NXPE2: variants seen among roughly 807,000 people sequenced by gnomAD.
NXPE2 encodes neurexophilin and PC-esterase domain family member 2, also known as NXPE family member 2.
A neutral mutation model predicts 34.4 loss-of-function variants in NXPE2; 34 were observed. The observed-to-expected ratio is 0.99, with a 90% confidence interval of 0.75 to 1.31. The LOEUF (loss-of-function observed/expected upper bound fraction) is 1.31, where lower values mean the gene tolerates loss of function less well. NXPE2 is among the 40% of genes most tolerant of loss of function. The pLI is 0.00. For missense variants in NXPE2, 649 were observed against 672.5 expected, an observed-to-expected ratio of 0.97 and a Z score of 0.39; for synonymous variants, 235 against 231.3, an observed-to-expected ratio of 1.02 and a Z score of -0.15.
the NXPE2 span, among the ~76,000 whole-genome samples, chr11:114,549,952 G>A: frequency 6.6e-6 from 1 of 151,968 alleles, no homozygotes; most frequent in African/African-American, 2.4e-5. Context: ...TAAAATGGAA[G>A]TGACAATCCA....
the NXPE2 span, among the ~76,000 whole-genome samples, chr11:114,727,206 A>G: frequency 6.6e-6 from 1 of 152,048 alleles, no homozygotes; most frequent in Non-Finnish European, 1.5e-5. Flanking sequence ...TAAACAACAG[A>G]AATTTATCTG....
the NXPE2 span, among the ~76,000 whole-genome samples, chr11:114,623,156 G>A: frequency 6.6e-6 from 1 of 151,496 alleles, no homozygotes; most frequent in South Asian, 2.1e-4. Context: ...TGGGTAACCA[G>A]TGTTAACCGG....
At chr11:114,626,026 C>T in the NXPE2 span, among the ~76,000 whole-genome samples, 123 of 152,344 alleles carry the variant, frequency 8.1e-4, no homozygotes, top group African/African-American at 2.7e-3. Context: ...AAGGGTCCTA[C>T]GCCCACGGAG....
the NXPE2 span, among the ~76,000 whole-genome samples, chr11:114,801,127 C>A: frequency 6.6e-6 from 1 of 152,102 alleles, no homozygotes; most frequent in East Asian, 1.9e-4. Flanking sequence ...AGTGAAAACA[C>A]AAAGTCCCTT....
chr11:114,661,959 G>T, the NXPE2 span, among the ~76,000 whole-genome samples: 25,094 of 152,102 alleles, frequency 0.16, 2,539 homozygotes, highest in East Asian at 0.38. Flanking sequence ...CTGGTAAAAG[G>T]ACCTGTAGGA....
the NXPE2 span, among the ~76,000 whole-genome samples, chr11:114,745,207 G>C: frequency 2.0e-5 from 3 of 152,158 alleles, no homozygotes; most frequent in African/African-American, 7.2e-5. Flanking sequence ...AATTTATAAA[G>C]AAATGAGGTT....
chr11:114,560,284 T>TG, the NXPE2 span, among the ~76,000 whole-genome samples: 1 of 151,376 alleles, frequency 6.6e-6, no homozygotes, highest in African/African-American at 2.4e-5. Context: ...TTTTTTTTTT[T>TG]TTTTTGGACA....
the NXPE2 span, among the ~76,000 whole-genome samples, chr11:114,660,284 C>A: frequency 6.6e-6 from 1 of 151,866 alleles, no homozygotes; most frequent in Non-Finnish European, 1.5e-5. Context: ...AAGCACTTTG[C>A]AATTCATTTT....
chr11:114,704,659 C>T (rs1951438675), intron 4 of NXPE2, among the ~76,000 whole-genome samples: 1 of 152,156 alleles, frequency 6.6e-6, no homozygotes, highest in African/African-American at 2.4e-5. Context: ...ACTCATCACC[C>T]CTTTTTCATG....
chr11:114,510,855 A>C, the NXPE2 span, among the ~76,000 whole-genome samples: 1 of 152,206 alleles, frequency 6.6e-6, no homozygotes, highest in Non-Finnish European at 1.5e-5. Flanking sequence ...ATTTTAGTAA[A>C]ACAAAAAATT....
At chr11:114,640,570 C>T in the NXPE2 span, among the ~76,000 whole-genome samples, 1 of 151,864 alleles carries the variant, frequency 6.6e-6, no homozygotes, top group East Asian at 1.9e-4. Context: ...TACACTCCCA[C>T]CCACAATGCA....
chr11:114,572,429 A>G, the NXPE2 span, among the ~76,000 whole-genome samples: 1 of 152,340 alleles, frequency 6.6e-6, no homozygotes, highest in South Asian at 2.1e-4. Context: ...TCAAGGAGGC[A>G]CCAGAGAAAG....
chr11:114,588,938 A>C, the NXPE2 span, among the ~76,000 whole-genome samples: 1 of 152,112 alleles, frequency 6.6e-6, no homozygotes, highest in Non-Finnish European at 1.5e-5. Context: ...ATTTTGGAGA[A>C]CCTCCTGAGG....
chr11:114,650,508 C>T, the NXPE2 span, among the ~76,000 whole-genome samples: 1 of 152,112 alleles, frequency 6.6e-6, no homozygotes, highest in Non-Finnish European at 1.5e-5. Context: ...AAAGCCCTGG[C>T]CTTAAGCAAC....
At chr11:114,576,309 A>C in the NXPE2 span, among the ~76,000 whole-genome samples, 6 of 151,964 alleles carry the variant, frequency 3.9e-5, no homozygotes, top group African/African-American at 1.5e-4. Flanking sequence ...TTTATGACCA[A>C]GGACCCAAAA....
the NXPE2 span, among the ~76,000 whole-genome samples, chr11:114,482,656 G>A: frequency 6.6e-6 from 1 of 152,234 alleles, no homozygotes; most frequent in Middle Eastern, 3.4e-3. Flanking sequence ...CAACTACTAA[G>A]GTCTTGTATG....
At chr11:114,727,390 T>C in the NXPE2 span, among the ~76,000 whole-genome samples, 1 of 152,060 alleles carries the variant, frequency 6.6e-6, no homozygotes, top group South Asian at 2.1e-4. Flanking sequence ...TCATGAGGGC[T>C]CTGTCCTCAT....
chr11:114,805,599 G>A, the NXPE2 span, among the ~76,000 whole-genome samples: 1 of 152,246 alleles, frequency 6.6e-6, no homozygotes, highest in Non-Finnish European at 1.5e-5. Context: ...TGCTAGCACA[G>A]CAGTCTGAGA....
intron 2 of NXPE2, among the ~76,000 whole-genome samples, chr11:114,682,775 G>A (rs967880335): frequency 6.6e-6 from 1 of 151,928 alleles, no homozygotes; most frequent in African/African-American, 2.4e-5. Context: ...TATTATGTTG[G>A]AAGAAGACAT....
Sources: gnomAD v4.1 joint callset for allele counts (sites outside exome capture counted in the v4.1 genomes callset) on GRCh38, gnomAD v4.1.1 for gene constraint, MANE v1.5 for transcripts, NCBI Gene and HGNC (gene_info 2026-07-23, HGNC 2026-07-21) for gene names.